CDAN1: variants seen among roughly 807,000 people sequenced by gnomAD.
CDAN1 encodes codanin-1.
CDAN1 carries 107 observed loss-of-function variants against 139.8 expected under a neutral mutation model. The ratio of observed to expected loss-of-function variants is 0.77; its 90% confidence interval spans 0.65 to 0.90. The LOEUF is 0.90. Ranked by LOEUF, CDAN1 falls within the 40% of genes least tolerant of loss-of-function variation. The probability of loss-of-function intolerance (pLI) is 0.00; values close to 1 mark genes in which losing one functional copy is unlikely to be tolerated. For synonymous variants in CDAN1, 776 were observed against 660.6 expected, an observed-to-expected ratio of 1.17 and a Z score of -2.68; for missense variants, 1,667 against 1,575.7, an observed-to-expected ratio of 1.06 and a Z score of -0.98.
At position 42,737,093 on chromosome 15, in the gene CDAN1, C is replaced by G; in HGVS notation, c.10G>C (p.Val4Leu). 3 of 1,518,304 alleles carry G rather than the reference C, an allele frequency of 2.0e-6. No individual in the cohort carries two copies. The highest frequency in any genetic ancestry group is 2.7e-6 in the Non-Finnish European group (3 of 1,131,548). The allele number at this position is 1,518,304 out of a possible 1,614,324, so 94.1% of individuals were successfully genotyped here. Residue 4 changes from valine to leucine, a missense_variant, in exon 1 of 28, where the codon GTT (valine) becomes CTT (leucine). Coordinates refer to ENST00000356231, the MANE Select transcript of CDAN1 (RefSeq NM_138477.4). Reference protein sequence around the residue: MAAVLESLLREEVS... With the variant: MAALLESLLREEVS... ...TCTTCTCGCAGCAGCGACTCCAAAA[C>G]GGCCGCCATCCCGGTCGGGGCGCTC...
At chr15:42,724,917 A>G (rs1434986929) in intron 27 of CDAN1, 1 of 625,308 alleles carries the variant, frequency 1.6e-6, no homozygotes, top group Non-Finnish European at 2.8e-6. Flanking sequence ...TTAAAAACCC[A>G]TATAATGGGC....
Position 42,729,128 on chromosome 15 carries a change from TG to T in CDAN1, c.2542-3del, listed in dbSNP as rs35158439. The T allele has an allele frequency of 8.7e-6, 14 of 1,614,036 alleles. No individual in the cohort carries two copies. Among genetic ancestry groups the T allele is most frequent in the Admixed American group, 3.3e-5 (2 of 60,002 alleles). ...GAAAAAGGCCTGGGCGAGCTGTGCCTGGGGGGAGGAGGGAGAGGCAGCAAGG... is the reference window on the plus strand; with the variant it reads ...GAAAAAGGCCTGGGCGAGCTGTGCCTGGGGGAGGAGGGAGAGGCAGCAAGG... On this transcript the variant is annotated splice_polypyrimidine_tract_variant and splice_region_variant and intron_variant, in intron 18 of 27. Coordinates refer to ENST00000356231, the MANE Select transcript of CDAN1 (RefSeq NM_138477.4).
At chr15:42,725,084 G>A in intron 27 of CDAN1, 60 bp downstream of exon 27, 1 of 1,403,202 alleles carries the variant, frequency 7.1e-7, no homozygotes, top group Non-Finnish European at 1.0e-6. Context: ...CTTCCTTTCA[G>A]GACAGATGGG....
intron 10 of CDAN1, 149 bp downstream of exon 10, chr15:42,732,184 T>C: frequency 1.3e-6 from 1 of 799,448 alleles, no homozygotes; most frequent in Non-Finnish European, 2.1e-6. Context: ...CCACTGGAGT[T>C]TCAGCCACTC....
At position 42,725,498 on chromosome 15, in the gene CDAN1, C is replaced by T. The variant is rs771663880; in HGVS notation, c.3441G>A (p.Arg1147=). ...PRNVGLLADT[R]PREWDLLLFL... ...GTTCCGTCTGACTCACCTCCCTTGG[C>T]CTTGTGTCTGCCAGAAGCCCCACAT... is the stretch of plus-strand genomic sequence containing the variant. Residue 1147 remains arginine (R), a synonymous_variant, in exon 26 of 28, where the codon AGG becomes AGA. Coordinates refer to ENST00000356231, the MANE Select transcript of CDAN1 (RefSeq NM_138477.4). The T allele has an allele frequency of 1.2e-5, 20 of 1,614,188 alleles. No individual in the cohort carries two copies. The South Asian group carries it at 2.2e-4, about 18-fold the overall frequency.
rs778947748 is a variant in CDAN1 at position 42,736,001 on chromosome 15, G to A, written c.647C>T (p.Thr216Ile). The change falls in exon 3 of 28, where the codon ACC becomes ATC. Residue 216 changes from threonine (T) to isoleucine (I), a missense_variant. By Grantham distance (89) the Thr-to-Ile change is moderately conservative (BLOSUM62 -1). Coordinates refer to ENST00000356231, the MANE Select transcript of CDAN1 (RefSeq NM_138477.4). ...RSLSKPKTCFTSPPISCVPSS... is the reference protein window; with the variant it reads ...RSLSKPKTCFISPPISCVPSS... ...GGGGACACAGCTGATTGGGGGTGAG[G>A]TGAAGCAGGTCTTGGGCTTGGAGAG... 2 of 1,614,194 alleles carry A rather than the reference G, an allele frequency of 1.2e-6. No individual in the cohort carries two copies. The highest frequency in any genetic ancestry group is 3.3e-5 in the Admixed American group (2 of 60,030).
intron 24 of CDAN1, 24 bp downstream of exon 24, chr15:42,726,286 C>G (rs2140461889): frequency 6.3e-7 from 1 of 1,588,602 alleles, no homozygotes; most frequent in East Asian, 2.3e-5. Flanking sequence ...AAAAAGCCCC[C>G]CGGTGGCAGA....
chr15:42,733,277 C>CT, intron 8 of CDAN1, 91 bp from the exon 9 acceptor site: 1 of 1,053,382 alleles, frequency 9.5e-7, no homozygotes, highest in Non-Finnish European at 1.5e-6. Context: ...CCACCCACCA[C>CT]CTTTTTTTTT....
At chr15:42,730,320 C>G (rs2061592422) in intron 14 of CDAN1, 105 bp from the exon 15 acceptor site, 8 of 1,125,282 alleles carry the variant, frequency 7.1e-6, no homozygotes, top group Non-Finnish European at 9.5e-6. Context: ...CTAAAAGGGA[C>G]TGGGGCCATG....
rs1333411285 is a variant in CDAN1, at chr15:42,724,505, G to A, written c.3670C>T (p.Leu1224=). The A allele has an allele frequency of 4.4e-6, 7 of 1,576,682 alleles. No individual in the cohort carries two copies. The highest frequency in any genetic ancestry group is 6.0e-6 in the Non-Finnish European group (7 of 1,160,006). Residue 1224 remains leucine, a synonymous_variant, in exon 28 of 28, where the codon CTG becomes TTG. Transcript: ENST00000356231. ...ACTTCTCAGCCCTAGCTCTGGGCCA[G>A]CACAGTGCCCCGGTTTGGCTGCACC... ...ELVQPNRGTV[L]AQS is the part of the protein sequence containing the mutation.
intron 15 of CDAN1, 71 bp downstream of exon 15, chr15:42,730,057 C>G: frequency 1.4e-6 from 2 of 1,447,676 alleles, no homozygotes; most frequent in Non-Finnish European, 9.7e-7. Context: ...CTCATTCGCA[C>G]TCAGACATTT....
In CDAN1 at chr15:42,726,313, G is replaced by T; in HGVS notation, c.3201C>A (p.Arg1067=). 6.3e-7 allele frequency: 1 copy of T among 1,588,328 alleles called. No homozygotes were observed. Among genetic ancestry groups the T allele is most frequent in the Non-Finnish European group, 8.6e-7 (1 of 1,167,326 alleles). Residue 1067 remains arginine (R), a synonymous_variant, in exon 24 of 28, where the codon CGC becomes CGA. Coordinates refer to ENST00000356231, the MANE Select transcript of CDAN1 (RefSeq NM_138477.4). ...GGTGGCAGATGCCACAGCTCACCTG[G>T]CGGCACCGCAGCGTCTGGCCCAGCT... ...LGQLGQTLRC[R]QFLCPPAEQH...
intron 26 of CDAN1, 88 bp from the exon 27 acceptor site, chr15:42,725,339 T>G: frequency 6.7e-7 from 1 of 1,488,002 alleles, no homozygotes; most frequent in Non-Finnish European, 9.4e-7. Flanking sequence ...GCAGAGCTGC[T>G]GGGAAGAGAC....
chr15:42,729,263 C>T lies in CDAN1; in HGVS notation c.2507G>A (p.Gly836Glu). ...KITPTTTTSL[G>E]AQPSQTSQGL... ...CTGGCTGGTCTGGGAAGGCTGGGCT[C>T]CCAGGCTGGTGGTAGTGGTGGGGGT... is the stretch of plus-strand genomic sequence containing the variant. The change falls in exon 18 of 28, where the codon GGA (glycine) becomes GAA (glutamate). Residue 836 changes from glycine (G) to glutamate (E), a missense_variant. Gly to Glu is a moderately conservative substitution (Grantham distance 98). This residue lies in a region of CDAN1 where 936 missense variants were observed against 844.1 expected (regional missense o/e 1.11). Transcript: ENST00000356231. The T allele has an allele frequency of 6.2e-7, 1 of 1,613,676 alleles. No individual in the cohort carries two copies.
chr15:42,731,848 G>A (rs763400230), intron 10 of CDAN1, 23 bp from the exon 11 acceptor site: 1 of 1,611,844 alleles, frequency 6.2e-7, no homozygotes, highest in Non-Finnish European at 8.5e-7. Context: ...AGGAAGGAGA[G>A]AAATTAAAAA....
intron 23 of CDAN1, 140 bp from the exon 24 acceptor site, chr15:42,726,557 T>A: frequency 1.5e-6 from 1 of 671,554 alleles, no homozygotes; most frequent in Non-Finnish European, 2.6e-6. Context: ...AAGTTGCCCC[T>A]AGACCTGGGA....
rs780345457 is a variant in CDAN1, at chr15:42,735,111, C to T, written c.1125G>A (p.Glu375=). Residue 375 remains glutamate, a synonymous_variant, in exon 6 of 28, where the codon GAG becomes GAA. Coordinates refer to ENST00000356231, the MANE Select transcript of CDAN1 (RefSeq NM_138477.4). The part of the protein sequence containing the change: ...DCVFFAVQVL[E]CHFQVLSNLD... The stretch of plus-strand genomic sequence containing the variant: ...CCAGGGAAACTCACTGAAAGTGACA[C>T]TCCAAAACCTGCACTGCAAAGAAGA... 5 of 1,613,104 alleles carry T rather than the reference C, an allele frequency of 3.1e-6. No homozygotes were observed. In the African/African-American group the frequency reaches 5.3e-5, roughly 17 times the overall value.
At chr15:42,730,345 C>T (rs954628693) in intron 14 of CDAN1, 130 bp from the exon 15 acceptor site, 1 of 948,836 alleles carries the variant, frequency 1.1e-6, no homozygotes, top group Non-Finnish European at 1.7e-6. Context: ...CAAGCAGGAT[C>T]CCCCCAGCCC....
Position 42,725,591 on chromosome 15 carries a change from CATG to C in CDAN1, c.3345_3347del (p.His1115_Met1116delinsGln), listed in dbSNP as rs2061514890. 1 of 1,614,054 alleles carries C rather than the reference CATG, an allele frequency of 6.2e-7. No homozygotes were observed. The highest frequency in any genetic ancestry group is 8.5e-7 in the Non-Finnish European group (1 of 1,180,046). On this transcript the variant is annotated inframe_deletion, in exon 26 of 28. Coordinates refer to ENST00000356231, the MANE Select transcript of CDAN1 (RefSeq NM_138477.4). ...AGTCTTCCTTCCACAAGGAAAGCAG[CATG>C]TGCAGAAGCCTTCGAGCCTGCCCTC...
Sources: gnomAD v4.1 joint callset for allele counts on GRCh38, gnomAD v4.1.1 for gene constraint, gnomAD v4.1.1 regional missense constraint, MANE v1.5 for transcripts, NCBI Gene and HGNC (gene_info 2026-07-23, HGNC 2026-07-21) for gene names.